The following SGCG variants were observed in gnomAD, a reference collection of about 807,000 sequenced individuals.
The protein encoded by SGCG is gamma-sarcoglycan.
Under a neutral mutation model 29.3 loss-of-function variants are expected in SGCG, and 26 were observed. The ratio of observed to expected loss-of-function variants is 0.89; its 90% CI spans 0.65 to 1.23. The LOEUF (loss-of-function observed/expected upper bound fraction) is 1.23. Ranked by LOEUF, SGCG falls within the 50% of genes most tolerant of loss-of-function variation. The pLI, the probability that SGCG is intolerant of heterozygous loss-of-function variation, is 0.00. For synonymous variants in SGCG, 145 were observed against 129.7 expected, an observed-to-expected ratio of 1.12 and a Z score of -0.80; for missense variants, 353 against 356.0, an observed-to-expected ratio of 0.99 and a Z score of 0.07.
chr13:23,216,781 T>A (rs1005624101), intron 2 of SGCG, among the ~76,000 whole-genome samples: 1 of 152,128 alleles, frequency 6.6e-6, no homozygotes, highest in Non-Finnish European at 1.5e-5. Context: ...GTAATATAGT[T>A]CTCTGTTGTT....
At chr13:23,277,356 C>T (rs1881117202) in intron 4 of SGCG, among the ~76,000 whole-genome samples, 1 of 151,782 alleles carries the variant, frequency 6.6e-6, no homozygotes, top group South Asian at 2.1e-4. Flanking sequence ...AACAGGAACT[C>T]TGAGTCTCAG....
At chr13:23,272,233 A>G (rs903358064) in intron 4 of SGCG, among the ~76,000 whole-genome samples, 2 of 152,146 alleles carry the variant, frequency 1.3e-5, no homozygotes, top group South Asian at 2.1e-4. Flanking sequence ...CTTGTTTCCA[A>G]TCTTAGTGGA....
At chr13:23,178,460 G>T (rs546086263), upstream of SGCG, among the ~76,000 whole-genome samples, 12 of 152,296 alleles carry the variant, frequency 7.9e-5, no homozygotes, top group South Asian at 2.3e-3. Context: ...GAGACAATGC[G>T]TGTTGTATTG....
intron 6 of SGCG, among the ~76,000 whole-genome samples, chr13:23,310,175 C>T (rs1882522395): frequency 6.7e-6 from 1 of 148,296 alleles, no homozygotes; most frequent in African/African-American, 2.5e-5. Context: ...CAAGCTCCGC[C>T]TCCTGGGTTC....
chr13:23,196,028 C>T (rs1345183328), intron 1 of SGCG, among the ~76,000 whole-genome samples: 1 of 151,882 alleles, frequency 6.6e-6, no homozygotes, highest in East Asian at 1.9e-4. Context: ...AGTTTCCTTA[C>T]AGTATTTTTC....
chr13:23,253,392 T>C (rs2137573498), intron 4 of SGCG, among the ~76,000 whole-genome samples: 1 of 152,344 alleles, frequency 6.6e-6, no homozygotes, highest in South Asian at 2.1e-4. Flanking sequence ...AAAGTCTCTG[T>C]TATATTGAGA....
chr13:23,257,269 C>T (rs1246779373), intron 4 of SGCG, among the ~76,000 whole-genome samples: 2 of 151,996 alleles, frequency 1.3e-5, no homozygotes, highest in Non-Finnish European at 2.9e-5. Context: ...TGGATATTAG[C>T]CCTTTATATA....
chr13:23,324,493 G>C lies in SGCG; in HGVS notation c.828G>C (p.Val276=). The C allele has an allele frequency of 6.2e-7, 1 of 1,613,490 alleles. No homozygotes were observed. The highest frequency in any genetic ancestry group is 1.1e-5 in the South Asian group (1 of 91,040). The change falls in exon 8 of 8, where the codon GTG becomes GTC. Residue 276 remains valine, a synonymous_variant. Transcript: ENST00000218867. ...VCPDGKLYLS[V]AGVSTTCQEH... The stretch of plus-strand genomic sequence containing the variant: ...CAGATGGGAAGCTGTACCTGTCTGT[G>C]GCCGGTGTGAGCACCACGTGCCAGG...
At chr13:23,311,117 G>T (rs954949298) in intron 6 of SGCG, among the ~76,000 whole-genome samples, 1 of 152,176 alleles carries the variant, frequency 6.6e-6, no homozygotes, top group African/African-American at 2.4e-5. Flanking sequence ...ATAGTCAAGT[G>T]CTGGTTAGGC....
chr13:23,317,577 T>C (rs549614245), intron 6 of SGCG, among the ~76,000 whole-genome samples: 1 of 152,356 alleles, frequency 6.6e-6, no homozygotes, highest in Non-Finnish European at 1.5e-5. Context: ...TATACACTTG[T>C]ACTAAGAAAA....
chr13:23,168,438 A>T, the SGCG span, among the ~76,000 whole-genome samples: 1 of 152,198 alleles, frequency 6.6e-6, no homozygotes, highest in African/African-American at 2.4e-5. Context: ...TGGTATCCTC[A>T]GCCCTGGAAC....
the SGCG span, among the ~76,000 whole-genome samples, chr13:23,163,409 T>C: frequency 2.0e-5 from 3 of 152,200 alleles, no homozygotes; most frequent in Admixed American, 2.0e-4. Flanking sequence ...ATCTGCTGTC[T>C]AGAAAAATGT....
At chr13:23,292,203 A>G (rs1881739894) in intron 5 of SGCG, among the ~76,000 whole-genome samples, 1 of 151,254 alleles carries the variant, frequency 6.6e-6, no homozygotes. Flanking sequence ...TCTGCCTCCC[A>G]GGTTCAAATG....
chr13:23,187,159 A>G (rs1212092908), intron 1 of SGCG, among the ~76,000 whole-genome samples: 4 of 152,094 alleles, frequency 2.6e-5, no homozygotes, highest in Non-Finnish European at 5.9e-5. Flanking sequence ...ATATGACCCC[A>G]TTGTGGGAGC....
chr13:23,267,628 TG>T (rs1476360722), intron 4 of SGCG: 1 of 152,354 alleles, frequency 6.6e-6, no homozygotes, highest in Non-Finnish European at 1.5e-5. Flanking sequence ...AGAATATAAA[TG>T]TAAAATACAA....
Position 23,250,657 on chromosome 13 carries a change from C to T in SGCG, c.325C>T (p.Gln109Ter). Residue 109 changes from glutamine to a stop codon, truncating the protein, a stop_gained, in exon 4 of 8, where the codon CAG (glutamine) becomes TAG (stop). Coordinates refer to ENST00000218867, the MANE Select transcript of SGCG (RefSeq NM_000231.3). LOFTEE classifies it high-confidence loss of function. ...CTCATCTCTGCTTCTACAATCAACC[C>T]AGAATGTGACTGTAAATGCGCGCAA... is the stretch of plus-strand genomic sequence containing the variant. Reference protein sequence around the residue: ...VDSSLLLQSTQNVTVNARNSE... With the variant: ...VDSSLLLQST 1 of 1,612,408 alleles carries T rather than the reference C, an allele frequency of 6.2e-7. No homozygotes were observed. Among genetic ancestry groups the T allele is most frequent in the Non-Finnish European group, 8.5e-7 (1 of 1,178,520 alleles).
chr13:23,242,757 G>A (rs1879557897), intron 3 of SGCG, among the ~76,000 whole-genome samples: 1 of 152,076 alleles, frequency 6.6e-6, no homozygotes, highest in South Asian at 2.1e-4. Flanking sequence ...TGTACCTAAT[G>A]TCAATCTACT....
At chr13:23,218,054 A>G (rs1162487657) in intron 2 of SGCG, among the ~76,000 whole-genome samples, 1 of 152,220 alleles carries the variant, frequency 6.6e-6, no homozygotes, top group Admixed American at 6.5e-5. Context: ...AAAGTTTGAC[A>G]AATGCAACAA....
intron 2 of SGCG, among the ~76,000 whole-genome samples, chr13:23,232,575 G>A (rs946358252): frequency 2.0e-5 from 3 of 152,162 alleles, no homozygotes; most frequent in Non-Finnish European, 4.4e-5. Context: ...GAGGTCAGGA[G>A]ATCAAGACCA....
Sources: allele counts gnomAD v4.1 joint callset (sites outside exome capture counted in the v4.1 genomes callset), GRCh38; gene constraint gnomAD v4.1.1; transcripts MANE v1.5; gene names NCBI Gene and HGNC (gene_info 2026-07-23, HGNC 2026-07-21).